The following CSMD1 variants were observed in gnomAD, a reference collection of about 807,000 sequenced individuals.
CSMD1 encodes CUB and sushi domain-containing protein 1.
Under a neutral mutation model 417.5 loss-of-function variants are expected in CSMD1, and 213 were observed. The ratio of observed to expected loss-of-function variants is 0.51; its 90% CI spans 0.46 to 0.57. CSMD1 has a LOEUF of 0.57. Among genes scored for constraint, CSMD1 ranks in the 20% least tolerant of loss-of-function variants. CSMD1 has a pLI of 0.00. For synonymous variants in CSMD1, 2,862 were observed against 1,736.8 expected (o/e 1.65, Z -16.11); for missense variants, 6,923 against 4,529.7 (o/e 1.53, Z -15.17).
At chr8:4,153,441 G>A (rs376589723) in intron 3 of CSMD1, among the ~76,000 whole-genome samples, 5 of 152,188 alleles carry the variant, frequency 3.3e-5, no homozygotes, top group African/African-American at 9.7e-5. Context: ...CCCGCACTTA[G>A]CAGATGAGCC....
chr8:4,594,663 T>C (rs1347749247), intron 2 of CSMD1, among the ~76,000 whole-genome samples: 2 of 152,214 alleles, frequency 1.3e-5, no homozygotes, highest in African/African-American at 4.8e-5. Flanking sequence ...TACATTTTAC[T>C]CTGCTGCCCA....
At chr8:4,450,396 G>C (rs543777316) in intron 2 of CSMD1, among the ~76,000 whole-genome samples, 3 of 152,138 alleles carry the variant, frequency 2.0e-5, no homozygotes, top group Non-Finnish European at 4.4e-5. Context: ...GGAAGGCTGA[G>C]GCAGGCGGAT....
chr8:4,226,813 T>C (rs939035201), intron 3 of CSMD1, among the ~76,000 whole-genome samples: 11 of 152,356 alleles, frequency 7.2e-5, no homozygotes, highest in African/African-American at 2.2e-4. Flanking sequence ...AAGAGTAAAG[T>C]TGGGTTGTTG....
intron 2 of CSMD1, among the ~76,000 whole-genome samples, chr8:4,498,259 T>G (rs147640907): frequency 6.6e-6 from 1 of 152,312 alleles, no homozygotes; most frequent in East Asian, 1.9e-4. Flanking sequence ...TCCATCAAAG[T>G]ACAAACTACT....
intron 1 of CSMD1, among the ~76,000 whole-genome samples, chr8:4,981,874 G>C (rs920207186): frequency 6.6e-6 from 1 of 152,118 alleles, no homozygotes; most frequent in Non-Finnish European, 1.5e-5. Context: ...CAACTGTGGA[G>C]TCTCCCTCTC....
intron 11 of CSMD1, among the ~76,000 whole-genome samples, chr8:3,482,253 A>T (rs1157449046): frequency 1.3e-5 from 2 of 152,194 alleles, no homozygotes; most frequent in Non-Finnish European, 2.9e-5. Flanking sequence ...ATGTATTAAA[A>T]AATTACCCAA....
chr8:4,215,046 T>C (rs1404168049), intron 3 of CSMD1, among the ~76,000 whole-genome samples: 1 of 152,182 alleles, frequency 6.6e-6, no homozygotes, highest in Non-Finnish European at 1.5e-5. Context: ...TCTTCCAAGC[T>C]GGCTCAGAGA....
At chr8:3,512,254 T>C (rs914372006) in intron 10 of CSMD1, among the ~76,000 whole-genome samples, 1 of 152,216 alleles carries the variant, frequency 6.6e-6, no homozygotes, top group Non-Finnish European at 1.5e-5. Flanking sequence ...TGCTGCATTC[T>C]CATCTTCAGG....
intron 1 of CSMD1, among the ~76,000 whole-genome samples, chr8:4,693,429 A>G (rs1218233101): frequency 6.6e-6 from 1 of 152,212 alleles, no homozygotes; most frequent in African/African-American, 2.4e-5. Context: ...GTCAGCCTCA[A>G]TATTCCAAAC....
intron 1 of CSMD1, among the ~76,000 whole-genome samples, chr8:4,719,537 C>T (rs1224377119): frequency 8.6e-6 from 1 of 116,400 alleles, no homozygotes; most frequent in Admixed American, 1.1e-4. Context: ...AAAAAAAAAT[C>T]TTCACAACAA....
chr8:4,798,124 T>C (rs1401935970), intron 1 of CSMD1, among the ~76,000 whole-genome samples: 1 of 152,226 alleles, frequency 6.6e-6, no homozygotes, highest in African/African-American at 2.4e-5. Context: ...TAACTCATCA[T>C]TTACATTAGG....
At chr8:3,549,419 G>C (rs1798815200) in intron 10 of CSMD1, among the ~76,000 whole-genome samples, 1 of 152,208 alleles carries the variant, frequency 6.6e-6, no homozygotes. Flanking sequence ...GCTATGCTTT[G>C]AATGTTTATG....
chr8:3,546,483 T>A (rs559950920), intron 10 of CSMD1, among the ~76,000 whole-genome samples: 2 of 149,840 alleles, frequency 1.3e-5, no homozygotes, highest in Admixed American at 1.3e-4. Flanking sequence ...TTGTGGTGAG[T>A]CAAGATCCTG....
Position 4,455,929 on chromosome 8 carries a change from C to CAAAAAAAAAAAAAA in CSMD1, c.303-35878_303-35865dup, listed in dbSNP as rs71207091. ...GGGTGACAAAGTGAGACTCCAACTC[C>CAAAAAAAAAAAAAA]AAAAAAAAAAAAAAAAAAAAAAAAA... On this transcript the variant is annotated intron_variant, in intron 2 of 69. Transcript: ENST00000635120. Among the ~76,000 whole-genome samples the CAAAAAAAAAAAAAA allele has an allele frequency of 2.7e-3, 32 of 11,644 alleles. 4 individuals are homozygous for CAAAAAAAAAAAAAA. Among genetic ancestry groups the CAAAAAAAAAAAAAA allele is most frequent in the East Asian group, 7.5e-3 (1 of 134 alleles). 7.6% of individuals were successfully genotyped at this position (11,644 alleles called of 152,430 possible).
chr8:4,877,255 T>C (rs1017268395), intron 1 of CSMD1, among the ~76,000 whole-genome samples: 1 of 152,020 alleles, frequency 6.6e-6, no homozygotes, highest in African/African-American at 2.4e-5. Flanking sequence ...CATAAGAAGA[T>C]CCCAATTTGT....
chr8:4,576,355 G>A (rs571102980), intron 2 of CSMD1, among the ~76,000 whole-genome samples: 1 of 152,180 alleles, frequency 6.6e-6, no homozygotes, highest in Non-Finnish European at 1.5e-5. Flanking sequence ...CTCTTCAGGG[G>A]AGAGTCAGAG....
intron 5 of CSMD1, among the ~76,000 whole-genome samples, chr8:3,873,932 G>A (rs557122399): frequency 2.7e-4 from 41 of 152,242 alleles, no homozygotes; most frequent in African/African-American, 9.4e-4. Flanking sequence ...ATCTGACTTT[G>A]GATTCTGAAA....
intron 3 of CSMD1, among the ~76,000 whole-genome samples, chr8:4,398,260 G>A (rs1184065234): frequency 6.6e-6 from 1 of 151,990 alleles, no homozygotes; most frequent in African/African-American, 2.4e-5. Context: ...GTAATATTGT[G>A]GTGTGGTTAT....
chr8:3,489,829 A>G (rs2117283829), intron 11 of CSMD1, among the ~76,000 whole-genome samples: 1 of 152,258 alleles, frequency 6.6e-6, no homozygotes, highest in South Asian at 2.1e-4. Flanking sequence ...AGAATTCCAT[A>G]TTTCCCACAA....
Sources: allele counts gnomAD v4.1 joint callset (sites outside exome capture counted in the v4.1 genomes callset), GRCh38; gene constraint gnomAD v4.1.1; transcripts MANE v1.5; gene names NCBI Gene and HGNC (gene_info 2026-07-23, HGNC 2026-07-21).